FUT8: variants seen among roughly 807,000 people sequenced by gnomAD.
FUT8 encodes the protein alpha-(1,6)-fucosyltransferase.
A neutral mutation model predicts 71.3 loss-of-function variants in FUT8; 29 were observed. The observed-to-expected ratio is 0.41, with a 90% confidence interval of 0.30 to 0.55. The LOEUF (loss-of-function observed/expected upper bound fraction) is 0.55, where lower values mean the gene tolerates loss of function less well. Ranked by LOEUF, FUT8 falls within the 20% of genes least tolerant of loss-of-function variation. The pLI is 0.34. For missense variants in FUT8, 544 were observed against 702.1 expected (o/e 0.77, Z 2.55); for synonymous variants, 254 against 239.3 (o/e 1.06, Z -0.57).
At chr14:65,615,241 G>T (rs531119018) in intron 3 of FUT8, among the ~76,000 whole-genome samples, 2 of 152,126 alleles carry the variant, frequency 1.3e-5, no homozygotes, top group African/African-American at 4.8e-5. Context: ...GAGTAGCTGG[G>T]ACTGCAGGCA....
At chr14:65,637,602 T>C (rs1473879247) in intron 6 of FUT8, among the ~76,000 whole-genome samples, 1 of 152,122 alleles carries the variant, frequency 6.6e-6, no homozygotes, top group African/African-American at 2.4e-5. Flanking sequence ...TTTATATTTA[T>C]TTATTTATTT....
intron 6 of FUT8, among the ~76,000 whole-genome samples, chr14:65,644,863 T>G (rs770736837): frequency 2.3e-4 from 35 of 152,192 alleles, no homozygotes; most frequent in Non-Finnish European, 5.9e-5. Context: ...GAACAAAGCT[T>G]ATCTGACATA....
the FUT8 span, among the ~76,000 whole-genome samples, chr14:65,370,201 CTTTTTTTTTTTTTTT>C: frequency 3.4e-5 from 2 of 58,442 alleles, no homozygotes; most frequent in African/African-American, 6.6e-5. Context: ...CACACATAGT[CTTTTTTTTTTTTTTT>C]TTTTTTTTTG....
the FUT8 span, among the ~76,000 whole-genome samples, chr14:65,382,176 CT>C: frequency 2.6e-3 from 396 of 152,284 alleles, 1 homozygote; most frequent in African/African-American, 9.0e-3. Context: ...TTTATCACCT[CT>C]CTGTCAGTAC....
intron 2 of FUT8, among the ~76,000 whole-genome samples, chr14:65,559,756 T>A (rs938142940): frequency 6.6e-6 from 1 of 152,148 alleles, no homozygotes; most frequent in Non-Finnish European, 1.5e-5. Context: ...TGTATTTTTT[T>A]TACATAAGAT....
At chr14:65,372,121 A>G in the FUT8 span, among the ~76,000 whole-genome samples, 1 of 151,986 alleles carries the variant, frequency 6.6e-6, no homozygotes, top group African/African-American at 2.4e-5. Flanking sequence ...TATTTGATCA[A>G]TCCCCCATGT....
At chr14:65,719,953 C>G (rs1895327205) in intron 7 of FUT8, among the ~76,000 whole-genome samples, 1 of 152,202 alleles carries the variant, frequency 6.6e-6, no homozygotes, top group Non-Finnish European at 1.5e-5. Flanking sequence ...CAGTGTAACC[C>G]CTACCTGGCT....
At chr14:65,601,101 C>T (rs533574955) in intron 3 of FUT8, among the ~76,000 whole-genome samples, 1 of 152,186 alleles carries the variant, frequency 6.6e-6, no homozygotes, top group South Asian at 2.1e-4. Flanking sequence ...CTGAGATTGT[C>T]GCTTGTCCCT....
chr14:65,648,906 T>C (rs113976286), intron 6 of FUT8, among the ~76,000 whole-genome samples: 12 of 152,302 alleles, frequency 7.9e-5, no homozygotes, highest in African/African-American at 2.9e-4. Context: ...CCAGAAAGAT[T>C]AAGATGCAAA....
At chr14:65,596,906 G>A (rs543777807) in intron 3 of FUT8, among the ~76,000 whole-genome samples, 2 of 152,242 alleles carry the variant, frequency 1.3e-5, no homozygotes, top group South Asian at 2.1e-4. Flanking sequence ...AGCATAATTC[G>A]TAAGAGGAAG....
chr14:65,518,705 T>C (rs1882874377), intron 2 of FUT8, among the ~76,000 whole-genome samples: 1 of 152,034 alleles, frequency 6.6e-6, no homozygotes, highest in Non-Finnish European at 1.5e-5. Context: ...TTGTATTTTT[T>C]TTGTAGAGAT....
intron 5 of FUT8, among the ~76,000 whole-genome samples, chr14:65,626,001 T>C (rs185676093): frequency 6.6e-6 from 1 of 152,296 alleles, no homozygotes; most frequent in East Asian, 1.9e-4. Context: ...GAGGGCATAT[T>C]TCACCATCTC....
At position 65,717,202 on chromosome 14, in the gene FUT8, C is replaced by T. The variant is rs372217901; in HGVS notation, c.836-4573C>T. ...CCCAGACGGGGCGGCCGGGCAGAGG[C>T]GCTCCTCACCTCCCAGACGGGGCGG... On this transcript the variant is annotated intron_variant, in intron 7 of 10. Coordinates refer to ENST00000673929, the MANE Select transcript of FUT8 (RefSeq NM_001371533.1). Among the ~76,000 whole-genome samples the T allele has an allele frequency of 1.6e-3, 193 of 120,458 alleles. 2 individuals are homozygous for T. In the East Asian group the frequency reaches 0.024, roughly 15 times the overall value. The allele number at this position is 120,458 out of a possible 152,430, so 79.0% of individuals were successfully genotyped here.
At position 65,660,730 on chromosome 14, in the gene FUT8, A is replaced by G. The variant is rs901845300; in HGVS notation, c.598-8513A>G. 6.6e-6 allele frequency among the ~76,000 whole-genome samples: 1 copy of G among 152,200 alleles called. No homozygotes were observed. Among genetic ancestry groups the G allele is most frequent in the Non-Finnish European group, 1.5e-5 (1 of 68,028 alleles). ...TTCTTGTTTAATATGTTAAGGGACA[A>G]TAATTTCTGGTCTTGGCTTTTAAAA... On this transcript the variant is annotated intron_variant, in intron 6 of 10. Transcript: ENST00000673929. This position sits in a 1 kb window ranked among gnomAD's most constrained non-coding sequence, Gnocchi z 4.1.
chr14:65,451,510 TC>T (rs1566755816), intron 1 of FUT8, among the ~76,000 whole-genome samples: 1 of 152,154 alleles, frequency 6.6e-6, no homozygotes, highest in Non-Finnish European at 1.5e-5. Flanking sequence ...CCCTTTGCCT[TC>T]TTTTTGTGAA....
chr14:65,715,776 A>G (rs1444686011), intron 7 of FUT8, among the ~76,000 whole-genome samples: 2 of 152,122 alleles, frequency 1.3e-5, no homozygotes, highest in East Asian at 3.9e-4. Context: ...TCTAAAATTT[A>G]TCTTGTTACT....
At chr14:65,726,134 T>TA (rs1895676516) in intron 9 of FUT8, among the ~76,000 whole-genome samples, 2 of 152,076 alleles carry the variant, frequency 1.3e-5, no homozygotes, top group Non-Finnish European at 2.9e-5. Flanking sequence ...CAAAACACAA[T>TA]AAAAAAATGT....
At chr14:65,619,092 C>A (rs1359394895) in intron 5 of FUT8, among the ~76,000 whole-genome samples, 1 of 152,048 alleles carries the variant, frequency 6.6e-6, no homozygotes, top group Non-Finnish European at 1.5e-5. Flanking sequence ...TTGGTGTCCA[C>A]AGAGATTTGG....
At position 65,467,741 on chromosome 14, in the gene FUT8, T is replaced by G. The variant is rs1484748245; in HGVS notation, c.-228+12023T>G. 3.9e-6 allele frequency: 2 copies of G among 512,708 alleles called. No individual in the cohort carries two copies. The highest frequency in any genetic ancestry group is 7.3e-6 in the Non-Finnish European group (2 of 272,192). The allele number at this position is 512,708 out of a possible 1,614,324, so 31.8% of individuals were successfully genotyped here. On this transcript the variant is annotated intron_variant, in intron 2 of 10. Coordinates refer to ENST00000673929, the MANE Select transcript of FUT8 (RefSeq NM_001371533.1). The surrounding 1 kb of genome is among the most constrained non-coding windows in gnomAD (Gnocchi z 4.1). ...TGCCCGCCTCAGCCTCCCAAAGTGC[T>G]GGGATTACAGGTGTGAGCCACCGTG...
Sources: gnomAD v4.1 joint callset for allele counts (sites outside exome capture counted in the v4.1 genomes callset) on GRCh38, gnomAD v4.1.1 for gene constraint, Gnocchi (gnomAD v3.1) non-coding constraint, MANE v1.5 for transcripts, NCBI Gene and HGNC (gene_info 2026-07-23, HGNC 2026-07-21) for gene names.